Variants in STS observed in about 807,000 individuals in gnomAD.
STS encodes the protein steryl-sulfatase.
In STS, 7 loss-of-function variants were observed where a neutral mutation model predicts 26.8. That is an observed-to-expected ratio of 0.26 (90% CI 0.15 to 0.49). STS has a LOEUF of 0.49. Among genes scored for constraint, STS ranks in the 20% least tolerant of loss-of-function variants. The pLI, the probability that STS is intolerant of heterozygous loss-of-function variation, is 0.98. For synonymous variants in STS, 199 were observed against 189.4 expected (o/e 1.05, Z -0.42); for missense variants, 434 against 465.6 (o/e 0.93, Z 0.63).
At chrX:7,281,163 C>CAA (rs375403377) in intron 7 of STS, among the ~76,000 whole-genome samples, 2 of 28,908 alleles carry the variant, frequency 6.9e-5, no homozygotes, top group African/African-American at 2.5e-4. Context: ...GAGATTCCAT[C>CAA]AAAAAAAAAA....
At chrX:7,262,289 A>G (rs1923785643) in intron 6 of STS, among the ~76,000 whole-genome samples, 1 of 111,637 alleles carries the variant, frequency 9.0e-6, no homozygotes, top group Non-Finnish European at 1.9e-5. Flanking sequence ...GGTTGCTAAT[A>G]TCTTGTGGTT....
chrX:7,202,429 G>A (rs1210287484), intron 2 of STS, among the ~76,000 whole-genome samples: 1 of 111,385 alleles, frequency 9.0e-6, no homozygotes, highest in Non-Finnish European at 1.9e-5. Context: ...TTACCTCATG[G>A]TATTTAAGTG....
rs146296134 is a variant in STS, at chrX:7,198,388, G to C, written c.-5+7380G>C. ...GCACCAGTTGGTAGATCAGATCACA[G>C]GGTCTAAAAAACATCTTCAACTCCA... On this transcript the variant is annotated intron_variant, in intron 2 of 10. Transcript: ENST00000674429. Among the ~76,000 whole-genome samples the C allele has an allele frequency of 4.0e-3, 442 of 111,100 alleles. 4 individuals are homozygous for C. Among genetic ancestry groups the C allele is most frequent in the Non-Finnish European group, 7.4e-3 (390 of 53,018 alleles).
Position 7,349,315 on chromosome X carries a change from C to CTTT in STS, c.1364-573_1364-572insTTT, listed in dbSNP as rs1928669611. The stretch of plus-strand genomic sequence containing the variant: ...CGCTGCACTCGGCCCTCATTTAATT[C>CTTT]CTTTTTTTTTTTTTTTTTTTTTTTT... On this transcript the variant is annotated intron_variant, in intron 10 of 10. Transcript: ENST00000674429. Among the ~76,000 whole-genome samples, 4 of 20,285 alleles carry CTTT rather than the reference C, an allele frequency of 2.0e-4. 2 individuals carry two copies. Among genetic ancestry groups the CTTT allele is most frequent in the African/African-American group, 3.5e-4 (2 of 5,711 alleles). 17.6% of individuals were successfully genotyped at this position (20,285 alleles called of 115,157 possible).
intron 1 of STS, among the ~76,000 whole-genome samples, chrX:7,183,742 G>A (rs1179628110): frequency 8.9e-6 from 1 of 112,081 alleles, no homozygotes; most frequent in East Asian, 2.8e-4. Flanking sequence ...AGTGGCTCAT[G>A]CCTAATCCCA....
At chrX:7,178,272 C>T (rs2147003375) in intron 1 of STS, among the ~76,000 whole-genome samples, 1 of 112,300 alleles carries the variant, frequency 8.9e-6, no homozygotes, top group East Asian at 2.8e-4. Flanking sequence ...TGCCCTTTCC[C>T]TTGATTGTTC....
intron 1 of STS, among the ~76,000 whole-genome samples, chrX:7,172,360 G>A (rs986962480): frequency 2.7e-5 from 3 of 110,885 alleles, no homozygotes; most frequent in East Asian, 2.8e-4. Context: ...CCTGTTTTCC[G>A]CTTGAGCACT....
At chrX:7,220,910 C>A (rs1215645170) in intron 2 of STS, among the ~76,000 whole-genome samples, 2 of 111,613 alleles carry the variant, frequency 1.8e-5, no homozygotes, top group African/African-American at 6.5e-5. Flanking sequence ...CACTGAATCT[C>A]CATCCCTCTT....
intron 10 of STS, among the ~76,000 whole-genome samples, chrX:7,342,112 C>T (rs1459493353): frequency 8.9e-6 from 1 of 111,890 alleles, no homozygotes; most frequent in East Asian, 2.8e-4. Context: ...TGTGCCTGGC[C>T]CCAACAATTT....
At chrX:7,316,568 G>A (rs1182585023) in intron 8 of STS, among the ~76,000 whole-genome samples, 1 of 112,063 alleles carries the variant, frequency 8.9e-6, no homozygotes, top group Non-Finnish European at 1.9e-5. Flanking sequence ...TTAGCAGTTG[G>A]ATGTATTGCT....
chrX:7,247,346 G>T (rs1202647166), intron 2 of STS, among the ~76,000 whole-genome samples: 1 of 111,842 alleles, frequency 8.9e-6, no homozygotes, highest in Non-Finnish European at 1.9e-5. Context: ...AGGAGAGAGA[G>T]AGGTGATTGA....
chrX:7,334,502 A>T (rs1056892600), intron 10 of STS, among the ~76,000 whole-genome samples: 1 of 111,831 alleles, frequency 8.9e-6, no homozygotes, highest in African/African-American at 3.3e-5. Context: ...TGCTGTGCTT[A>T]CACTTGCAGG....
chrX:7,225,122 C>T (rs1921744089), intron 2 of STS, among the ~76,000 whole-genome samples: 1 of 111,947 alleles, frequency 8.9e-6, no homozygotes, highest in Non-Finnish European at 1.9e-5. Context: ...GTGTTCATAC[C>T]CTCTGGTTAA....
At chrX:7,244,692 G>T (rs1287464221) in intron 2 of STS, among the ~76,000 whole-genome samples, 2 of 111,134 alleles carry the variant, frequency 1.8e-5, no homozygotes, top group African/African-American at 6.6e-5. Flanking sequence ...TCCTGTCGGG[G>T]TTTAGTGGGT....
chrX:7,349,316 C>CTTTTTTT (rs1178578773), intron 10 of STS, among the ~76,000 whole-genome samples: 7 of 52,885 alleles, frequency 1.3e-4, no homozygotes, highest in African/African-American at 2.9e-4. Context: ...CATTTAATTC[C>CTTTTTTT]TTTTTTTTTT....
intron 1 of STS, among the ~76,000 whole-genome samples, chrX:7,149,717 G>T (rs748872791): frequency 3.6e-4 from 40 of 111,981 alleles, no homozygotes; most frequent in Non-Finnish European, 6.8e-4. Context: ...CAAGATGTCA[G>T]CAGTCTTAAT....
At chrX:7,199,080 C>G (rs1934022522) in intron 2 of STS, among the ~76,000 whole-genome samples, 1 of 111,760 alleles carries the variant, frequency 8.9e-6, no homozygotes, top group Non-Finnish European at 1.9e-5. Context: ...AATAATTTTT[C>G]TATATAAAAT....
intron 2 of STS, among the ~76,000 whole-genome samples, chrX:7,209,516 A>C (rs1173416131): frequency 2.0e-5 from 2 of 99,935 alleles, no homozygotes; most frequent in Non-Finnish European, 4.0e-5. Flanking sequence ...AAAATGAAAA[A>C]AATTATTTTT....
intron 6 of STS, among the ~76,000 whole-genome samples, chrX:7,270,486 A>G (rs1014157842): frequency 8.9e-6 from 1 of 111,745 alleles, no homozygotes; most frequent in Non-Finnish European, 1.9e-5. Flanking sequence ...TGCACCGTTG[A>G]TTTCACTTCT....
Sources: gnomAD v4.1 joint callset for allele counts (sites outside exome capture counted in the v4.1 genomes callset) on GRCh38, gnomAD v4.1.1 for gene constraint, MANE v1.5 for transcripts, NCBI Gene and HGNC (gene_info 2026-07-23, HGNC 2026-07-21) for gene names.